TET3: variants seen among roughly 807,000 people sequenced by gnomAD.
The protein encoded by TET3 is tet methylcytosine dioxygenase 3, also known as methylcytosine dioxygenase TET3.
TET3 carries 19 observed loss-of-function variants against 141.4 expected under a neutral mutation model. The observed-to-expected ratio is 0.13, with a 90% CI of 0.09 to 0.20. The LOEUF (loss-of-function observed/expected upper bound fraction) is 0.20. TET3 is among the 10% of genes least tolerant of loss of function. The probability of loss-of-function intolerance (pLI) is 1.00; values close to 1 mark genes in which losing one functional copy is unlikely to be tolerated. For missense variants in TET3, 1,874 were observed against 2,356.9 expected (o/e 0.80, Z 4.24); for synonymous variants, 1,043 against 980.9 (o/e 1.06, Z -1.18).
intron 4 of TET3, among the ~76,000 whole-genome samples, chr2:74,061,442 G>A (rs868773291): frequency 0.036 from 4,873 of 134,730 alleles, no homozygotes; most frequent in Non-Finnish European, 0.06. Flanking sequence ...CTCCCTCCCG[G>A]ACGGGGCGGC....
intron 3 of TET3, among the ~76,000 whole-genome samples, chr2:74,038,968 A>G (rs1322600426): frequency 6.6e-6 from 1 of 152,182 alleles, no homozygotes; most frequent in East Asian, 1.9e-4. Flanking sequence ...ACCACGTTTC[A>G]TCCCCATCTG....
At chr2:74,006,804 C>T (rs1685175577) in intron 3 of TET3, among the ~76,000 whole-genome samples, 1 of 152,182 alleles carries the variant, frequency 6.6e-6, no homozygotes, top group Admixed American at 6.5e-5. Flanking sequence ...CCTCTCACAC[C>T]CGGGCATCTG....
chr2:74,108,662 CTTCT>C, downstream of TET3, among the ~76,000 whole-genome samples: 1 of 152,230 alleles, frequency 6.6e-6, no homozygotes, highest in East Asian at 1.9e-4. Flanking sequence ...CTGGAGCTAC[CTTCT>C]TTAATTCAAA....
At position 73,992,635 on chromosome 2, in the gene TET3, GAC is replaced by G. The variant is rs1391844682; in HGVS notation, c.303+5931_303+5932del. Among the ~76,000 whole-genome samples the G allele has an allele frequency of 4.6e-5, 7 of 152,188 alleles. No individual in the cohort carries two copies. The East Asian group carries it at 1.4e-3, about 29-fold the overall frequency. On this transcript the variant is annotated intron_variant, in intron 2 of 11. Coordinates refer to ENST00000409262, the MANE Select transcript of TET3 (RefSeq NM_001287491.2). ...GGCCCTTGTTGTTTTTTTAAATAGA[GAC>G]AGAGTGTCGCTATTTTGCCCAGCCT...
rs1331369659 is a variant in TET3 at position 74,101,813 on chromosome 2, C to G, written c.5025C>G (p.Thr1675=). 1 of 1,612,980 alleles carries G rather than the reference C, an allele frequency of 6.2e-7. No homozygotes were observed. The highest frequency in any genetic ancestry group is 1.1e-5 in the South Asian group (1 of 91,082). ...GTGCCCGGCGGGAGCTGCACGCCAC[C>G]ACGCCGCTTAAGAAGCCCAACCGCT... ...IECARRELHA[T]TPLKKPNRCH... is the part of the protein sequence containing the mutation. Residue 1675 remains threonine, a synonymous_variant, in exon 12 of 12, where the codon ACC becomes ACG. Coordinates refer to ENST00000409262, the MANE Select transcript of TET3 (RefSeq NM_001287491.2). This position sits in a 1 kb window ranked among gnomAD's most constrained non-coding sequence, Gnocchi z 8.5.
the TET3 span, among the ~76,000 whole-genome samples, chr2:74,113,941 T>G: frequency 6.6e-6 from 1 of 151,596 alleles, no homozygotes; most frequent in Non-Finnish European, 1.5e-5. Context: ...TTCACAGAAA[T>G]AGAAAAAAAA....
At chr2:74,006,985 C>T (rs1418136551) in intron 3 of TET3, among the ~76,000 whole-genome samples, 1 of 152,136 alleles carries the variant, frequency 6.6e-6, no homozygotes, top group African/African-American at 2.4e-5. Context: ...ATTTTCTCCC[C>T]CTTTCTTCTT....
chr2:73,985,674 C>G (rs1683986336), intron 1 of TET3, among the ~76,000 whole-genome samples: 1 of 152,010 alleles, frequency 6.6e-6, no homozygotes, highest in Non-Finnish European at 1.5e-5. Flanking sequence ...CCAGCCAGGG[C>G]GTGTGGGGGA....
At position 74,090,090 on chromosome 2, in the gene TET3, G is replaced by A. The variant is rs558337155; in HGVS notation, c.3039+43G>A. ...GGGACCCTGCCTCCCATCCTTTCTCGCCTGGCGTCCTTCATGGTCCAGCGG... is the reference window on the plus strand; with the variant it reads ...GGGACCCTGCCTCCCATCCTTTCTCACCTGGCGTCCTTCATGGTCCAGCGG... On this transcript the variant is annotated intron_variant, in intron 8 of 11. Transcript: ENST00000409262. 2.0e-5 allele frequency: 32 copies of A among 1,605,394 alleles called. 1 individual carries two copies. The highest frequency in any genetic ancestry group is 3.6e-4 in the Middle Eastern group (2 of 5,552).
chr2:73,994,694 A>G (rs1179450810), intron 2 of TET3, among the ~76,000 whole-genome samples: 1 of 134,480 alleles, frequency 7.4e-6, no homozygotes, highest in Non-Finnish European at 1.5e-5. Context: ...GCTGGAGTGC[A>G]GTGGTATGAT....
At chr2:74,122,677 CTT>C in the TET3 span, among the ~76,000 whole-genome samples, 4,644 of 42,160 alleles carry the variant, frequency 0.11, 174 homozygotes, top group East Asian at 0.34. Context: ...CTACACCTAG[CTT>C]TTTTTTTTTT....
chr2:74,050,103 T>C (rs1687867397), intron 4 of TET3, among the ~76,000 whole-genome samples: 3 of 152,222 alleles, frequency 2.0e-5, no homozygotes. Flanking sequence ...TTACCTAGTG[T>C]TTTAAGACAT....
intron 3 of TET3, among the ~76,000 whole-genome samples, chr2:74,033,285 A>G (rs1433375288): frequency 1.3e-5 from 2 of 152,264 alleles, no homozygotes; most frequent in Non-Finnish European, 2.9e-5. Flanking sequence ...ACATTTCTGT[A>G]TGATTCCCCT....
chr2:74,087,979 C>G lies in TET3; in HGVS notation c.2829C>G (p.Leu943=). The part of the protein sequence containing the change: ...RSLGDTLYQE[L]TDTLRKYGNP... ...TCGGAGACACCCTCTACCAGGAGCT[C>G]ACCGACACCCTCCGGAAGTATGGGA... is the stretch of plus-strand genomic sequence containing the variant. The change falls in exon 7 of 12, where the codon CTC becomes CTG. Residue 943 remains leucine, a synonymous_variant. Transcript: ENST00000409262. The surrounding 1 kb of genome is among the most constrained non-coding windows in gnomAD (Gnocchi z 4.3). 6.4e-7 allele frequency: 1 copy of G among 1,560,024 alleles called. No individual in the cohort carries two copies.
intron 8 of TET3, among the ~76,000 whole-genome samples, chr2:74,090,367 C>G (rs1690412771): frequency 6.6e-6 from 1 of 152,220 alleles, no homozygotes. Flanking sequence ...GAGGTCATTT[C>G]TCCCCCCCAT....
the TET3 span, among the ~76,000 whole-genome samples, chr2:74,128,754 C>T: frequency 6.6e-6 from 1 of 150,398 alleles, no homozygotes; most frequent in Non-Finnish European, 1.5e-5. Flanking sequence ...GAGGCCAAGG[C>T]AGGAAGATCA....
intron 3 of TET3, among the ~76,000 whole-genome samples, chr2:74,012,994 GGT>G (rs1206755241): frequency 3.4e-5 from 5 of 148,870 alleles, no homozygotes; most frequent in Middle Eastern, 3.4e-3. Flanking sequence ...TTGGTAATGG[GGT>G]GTTTTTTTTT....
At chr2:74,080,968 G>A (rs1414325835) in intron 6 of TET3, among the ~76,000 whole-genome samples, 1 of 152,204 alleles carries the variant, frequency 6.6e-6, no homozygotes, top group African/African-American at 2.4e-5. Flanking sequence ...GGGCTCCACT[G>A]TGGACTGTCA....
Position 74,100,887 on chromosome 2 carries a change from T to C in TET3, c.4099T>C (p.Tyr1367His). ...GCCTGCGTACCCAGGCCCCAAGGAG[T>C]ATCTGCTTCCCAAGGCCCCCCTACT... ...QQPAYPGPKE[Y>H]LLPKAPLLHS... The change falls in exon 12 of 12, where the codon TAT becomes CAT. Residue 1367 changes from tyrosine to histidine, a missense_variant. Physicochemically the swap from Tyr to His is moderately conservative, Grantham distance 83. Around this residue, in one of 10 missense-constraint regions of TET3, gnomAD observed 602 missense variants for 590.2 expected, o/e 1.02. Coordinates refer to ENST00000409262, the MANE Select transcript of TET3 (RefSeq NM_001287491.2). 1 of 1,609,618 alleles carries C rather than the reference T, an allele frequency of 6.2e-7. No homozygotes were observed. The highest frequency in any genetic ancestry group is 8.5e-7 in the Non-Finnish European group (1 of 1,178,238).
Sources: allele counts gnomAD v4.1 joint callset (sites outside exome capture counted in the v4.1 genomes callset), GRCh38; gene constraint gnomAD v4.1.1; regional missense constraint gnomAD v4.1.1; non-coding constraint Gnocchi (gnomAD v3.1); transcripts MANE v1.5; gene names NCBI Gene and HGNC (gene_info 2026-07-23, HGNC 2026-07-21).